The following PAPPA variants were observed in gnomAD, a reference collection of about 807,000 sequenced individuals.
PAPPA encodes the protein pappalysin-1.
In PAPPA, 60 loss-of-function variants were observed where a neutral mutation model predicts 164.0. The observed-to-expected ratio is 0.37, with a 90% confidence interval of 0.30 to 0.45. The LOEUF (loss-of-function observed/expected upper bound fraction) is 0.45, where lower values mean the gene tolerates loss of function less well. Among genes scored for constraint, PAPPA ranks in the 20% least tolerant of loss-of-function variants. The pLI is 1.00. For missense variants in PAPPA, 1,782 were observed against 2,087.3 expected (o/e 0.85, Z 2.85); for synonymous variants, 875 against 814.1 (o/e 1.07, Z -1.27).
At chr9:116,222,542 A>G (rs1383587753) in intron 5 of PAPPA, among the ~76,000 whole-genome samples, 3 of 152,218 alleles carry the variant, frequency 2.0e-5, no homozygotes, top group Non-Finnish European at 2.9e-5. Flanking sequence ...GTCATTTTCA[A>G]CAAAATGAAT....
rs1447116436 is a variant in PAPPA, at chr9:116,235,366, G to A, written c.2461G>A (p.Val821Ile). Residue 821 changes from valine (V) to isoleucine (I), a missense_variant, in exon 7 of 22, where the codon GTC (valine) becomes ATC (isoleucine). By Grantham distance (29) the Val-to-Ile change is conservative. Transcript: ENST00000328252. ...GAVNDIKLLA[V>I]SGKNISLGPQ... is the part of the protein sequence containing the mutation. ...TGTCAATGACATCAAACTGTTGGCTGTCAGTGGGAAGAACATCTCCCTGGG... is the reference window on the plus strand; with the variant it reads ...TGTCAATGACATCAAACTGTTGGCTATCAGTGGGAAGAACATCTCCCTGGG... The A allele has an allele frequency of 9.3e-6, 15 of 1,614,050 alleles. No homozygotes were observed. The highest frequency in any genetic ancestry group is 1.7e-4 in the Middle Eastern group (1 of 6,058).
intron 9 of PAPPA, among the ~76,000 whole-genome samples, chr9:116,283,182 G>A (rs1441429529): frequency 6.6e-6 from 1 of 152,162 alleles, no homozygotes; most frequent in Admixed American, 6.5e-5. Flanking sequence ...AGCACCTGCT[G>A]CATACAAAGT....
At chr9:116,352,338 A>C (rs1846293390) in intron 15 of PAPPA, among the ~76,000 whole-genome samples, 1 of 152,182 alleles carries the variant, frequency 6.6e-6, no homozygotes, top group South Asian at 2.1e-4. Context: ...TTTTGCTGCC[A>C]AGTATTAGAA....
chr9:116,164,410 T>C (rs1248754815), intron 1 of PAPPA, among the ~76,000 whole-genome samples: 1 of 152,224 alleles, frequency 6.6e-6, no homozygotes, highest in Non-Finnish European at 1.5e-5. Context: ...CCACAGAACT[T>C]GGAAGAATAT....
In PAPPA at chr9:116,216,972, C is replaced by G. The variant is rs1844381194; in HGVS notation, c.1919-2965C>G. On this transcript the variant is annotated intron_variant, in intron 4 of 21. Coordinates refer to ENST00000328252, the MANE Select transcript of PAPPA (RefSeq NM_002581.5). ...GGTCAGGGTGGTCTCGAATTCCTGA[C>G]CTCGTGATCCGCCCACCTTGGCCTC... is the stretch of plus-strand genomic sequence containing the variant. Among the ~76,000 whole-genome samples the G allele has an allele frequency of 2.0e-5, 3 of 152,068 alleles. No homozygotes were observed. In the South Asian group the frequency reaches 6.2e-4, roughly 32 times the overall value.
intron 12 of PAPPA, 88 bp from the exon 13 acceptor site, chr9:116,334,766 AGGGTCTG>A: frequency 2.5e-6 from 2 of 810,326 alleles, no homozygotes; most frequent in Non-Finnish European, 4.0e-6. Flanking sequence ...GTGACATGAA[AGGGTCTG>A]GGGGCTTCGG....
intron 19 of PAPPA, among the ~76,000 whole-genome samples, chr9:116,377,074 C>A (rs1425321940): frequency 1.3e-5 from 2 of 152,104 alleles, no homozygotes; most frequent in African/African-American, 4.8e-5. Flanking sequence ...AAACACACTC[C>A]CACGGCAATG....
chr9:116,363,604 G>A (rs1846458465), intron 18 of PAPPA, among the ~76,000 whole-genome samples: 1 of 152,160 alleles, frequency 6.6e-6, no homozygotes. Flanking sequence ...GACCTTTTGG[G>A]CTGATTCCCT....
chr9:116,351,651 C>A (rs943122930), intron 15 of PAPPA, among the ~76,000 whole-genome samples: 1 of 152,144 alleles, frequency 6.6e-6, no homozygotes, highest in Admixed American at 6.6e-5. Flanking sequence ...TTGTCTTTTG[C>A]CAACTATGAT....
At chr9:116,166,930 T>A (rs1162930778) in intron 1 of PAPPA, among the ~76,000 whole-genome samples, 1 of 151,998 alleles carries the variant, frequency 6.6e-6, no homozygotes, top group Admixed American at 6.6e-5. Flanking sequence ...ATGCAAACAT[T>A]TGAAGAATGT....
chr9:116,154,499 G>A lies in PAPPA; in HGVS notation c.327G>A (p.Arg109=), dbSNP rs1843576771. ...FSGRGEQLRL[R]ADLELPRDAF... is the part of the protein sequence containing the mutation. The stretch of plus-strand genomic sequence containing the variant: ...GGCGAGGCGAGCAGCTGCGCCTCCG[G>A]GCCGACCTCGAGCTGCCCCGGGACG... The change falls in exon 1 of 22, where the codon CGG becomes CGA. Residue 109 remains arginine (R), a synonymous_variant. Coordinates refer to ENST00000328252, the MANE Select transcript of PAPPA (RefSeq NM_002581.5). This position sits in a 1 kb window ranked among gnomAD's most constrained non-coding sequence, Gnocchi z 5.2. The A allele has an allele frequency of 1.5e-6, 2 of 1,350,038 alleles. No individual in the cohort carries two copies. The highest frequency in any genetic ancestry group is 3.1e-5 in the East Asian group (1 of 32,256). The allele number at this position is 1,350,038 out of a possible 1,614,324, so 83.6% of individuals were successfully genotyped here. A position where few individuals can be genotyped will look rare whatever the true frequency, so the allele number is the denominator to read the frequency against.
intron 6 of PAPPA, among the ~76,000 whole-genome samples, chr9:116,234,171 A>G (rs186466671): frequency 1.8e-4 from 28 of 152,290 alleles, no homozygotes; most frequent in Non-Finnish European, 3.1e-4. Flanking sequence ...TTTCCTCAGT[A>G]GTGCAAGGAA....
At chr9:116,340,099 C>T (rs1846114892) in intron 13 of PAPPA, among the ~76,000 whole-genome samples, 1 of 152,178 alleles carries the variant, frequency 6.6e-6, no homozygotes, top group Non-Finnish European at 1.5e-5. Flanking sequence ...TCCAATCAGC[C>T]ACCTTTCTCC....
chr9:116,232,752 T>A (rs993319191), intron 6 of PAPPA, among the ~76,000 whole-genome samples: 18 of 152,192 alleles, frequency 1.2e-4, no homozygotes, highest in African/African-American at 4.3e-4. Flanking sequence ...GGGACTCTTT[T>A]TTACATCTAA....
rs1319416644 is a variant in PAPPA at position 116,187,420 on chromosome 9, T to C, written c.682T>C (p.Phe228Leu). The C allele has an allele frequency of 6.2e-7, 1 of 1,614,114 alleles. No homozygotes were observed. Residue 228 changes from phenylalanine (F) to leucine (L), a missense_variant, in exon 2 of 22, where the codon TTC becomes CTC. Physicochemically the swap from Phe to Leu is conservative, Grantham distance 22. This residue lies in a region of PAPPA where 458 missense variants were observed against 430.3 expected (regional missense o/e 1.06). Coordinates refer to ENST00000328252, the MANE Select transcript of PAPPA (RefSeq NM_002581.5). The surrounding 1 kb of genome is among the most constrained non-coding windows in gnomAD (Gnocchi z 4.2). ...CTCTGGGGAACAAGTGGGTGGCATA[T>C]TCAGCCCACTGACCCAGAAGTGCAA... ...ATSGEQVGGI[F>L]SPLTQKCKVL... is the part of the protein sequence containing the mutation.
intron 2 of PAPPA, among the ~76,000 whole-genome samples, chr9:116,202,366 T>C (rs1587949725): frequency 1.3e-5 from 2 of 151,916 alleles, no homozygotes; most frequent in East Asian, 3.9e-4. Context: ...TACCAACGAG[T>C]GAGATGCATA....
At chr9:116,304,290 G>C (rs1845616780) in intron 10 of PAPPA, among the ~76,000 whole-genome samples, 1 of 152,212 alleles carries the variant, frequency 6.6e-6, no homozygotes, top group Admixed American at 6.5e-5. Context: ...CAGCAAATGT[G>C]TGTTTAATTG....
rs767537687 is a variant in PAPPA, at chr9:116,207,544, G to A, written c.1567G>A (p.Glu523Lys). 2.5e-6 allele frequency: 4 copies of A among 1,613,668 alleles called. No homozygotes were observed. The highest frequency in any genetic ancestry group is 1.1e-5 in the South Asian group (1 of 91,044). The change falls in exon 3 of 22, where the codon GAG becomes AAG. Residue 523 changes from glutamate to lysine, a missense_variant. Around this residue, in one of 2 missense-constraint regions of PAPPA, gnomAD observed 1,324 missense variants for 1,656.9 expected, o/e 0.80. Coordinates refer to ENST00000328252, the MANE Select transcript of PAPPA (RefSeq NM_002581.5). The stretch of plus-strand genomic sequence containing the variant: ...TATTTTCTTTGCAAAATCCTCAGAG[G>A]AGGAGTTGGCAGGAGTAGCAACTTG... ...LNIFFAKSSE[E>K]ELAGVATWPW...
chr9:116,215,184 G>A (rs1564186726), intron 4 of PAPPA, among the ~76,000 whole-genome samples: 1 of 152,116 alleles, frequency 6.6e-6, no homozygotes, highest in African/African-American at 2.4e-5. Context: ...TTTGGAGTGA[G>A]GAGACCCAAG....
Sources: allele counts gnomAD v4.1 joint callset (sites outside exome capture counted in the v4.1 genomes callset), GRCh38; gene constraint gnomAD v4.1.1; regional missense constraint gnomAD v4.1.1; non-coding constraint Gnocchi (gnomAD v3.1); transcripts MANE v1.5; gene names NCBI Gene and HGNC (gene_info 2026-07-23, HGNC 2026-07-21).